The following PRDM16 variants were observed in gnomAD, a reference collection of about 807,000 sequenced individuals.
PRDM16 encodes the protein histone-lysine N-methyltransferase PRDM16.
A neutral mutation model predicts 110.6 loss-of-function variants in PRDM16; 23 were observed. The ratio of observed to expected loss-of-function variants is 0.21; its 90% CI spans 0.15 to 0.29. The LOEUF (loss-of-function observed/expected upper bound fraction) is 0.29. PRDM16 is among the 10% of genes least tolerant of loss of function. PRDM16 has a pLI of 1.00. For synonymous variants in PRDM16, 799 were observed against 781.8 expected (o/e 1.02, Z -0.37); for missense variants, 1,615 against 1,794.3 (o/e 0.90, Z 1.81).
At chr1:3,182,273 T>C (rs917829592) in intron 1 of PRDM16, among the ~76,000 whole-genome samples, 8 of 152,188 alleles carry the variant, frequency 5.3e-5, no homozygotes, top group Non-Finnish European at 1.0e-4. Context: ...ACAGAGCCGC[T>C]CGGCGCTCGG....
intron 1 of PRDM16, among the ~76,000 whole-genome samples, chr1:3,070,518 GC>G (rs1168258318): frequency 6.7e-6 from 1 of 150,188 alleles, no homozygotes. Flanking sequence ...TGCTCCCGCC[GC>G]CCCCTCCTCT....
chr1:3,172,681 G>A (rs1644039556), intron 1 of PRDM16, among the ~76,000 whole-genome samples: 1 of 152,242 alleles, frequency 6.6e-6, no homozygotes, highest in Admixed American at 6.5e-5. Flanking sequence ...GCTAAGCTAA[G>A]TAAGCCGGCT....
At chr1:3,335,449 AGCACGTC>A (rs1642123981) in intron 3 of PRDM16, among the ~76,000 whole-genome samples, 1 of 152,190 alleles carries the variant, frequency 6.6e-6, no homozygotes, top group Non-Finnish European at 1.5e-5. Context: ...CGGTCGCGTT[AGCACGTC>A]GCATGTCCGA....
chr1:3,072,841 C>T (rs900800063), intron 1 of PRDM16, among the ~76,000 whole-genome samples: 14 of 152,256 alleles, frequency 9.2e-5, no homozygotes, highest in Non-Finnish European at 1.9e-4. Flanking sequence ...GCCGCCAGGG[C>T]TTGGTGCCCC....
chr1:3,351,126 C>T (rs1205436565), intron 3 of PRDM16, among the ~76,000 whole-genome samples: 1 of 152,150 alleles, frequency 6.6e-6, no homozygotes. Flanking sequence ...GCATGTTCAC[C>T]AGCTTGTGGG....
intron 9 of PRDM16, among the ~76,000 whole-genome samples, chr1:3,413,607 G>A (rs539642881): frequency 6.6e-6 from 1 of 152,298 alleles, no homozygotes; most frequent in South Asian, 2.1e-4. Flanking sequence ...GAGACCCTGA[G>A]CAAGTCCTGT....
chr1:3,347,062 A>AG (rs1642376384), intron 3 of PRDM16, among the ~76,000 whole-genome samples: 1 of 152,100 alleles, frequency 6.6e-6, no homozygotes, highest in South Asian at 2.1e-4. Context: ...GACCACCTTG[A>AG]GGGCCTCACA....
intron 5 of PRDM16, among the ~76,000 whole-genome samples, chr1:3,402,178 G>T (rs1445597173): frequency 6.6e-6 from 1 of 152,184 alleles, no homozygotes; most frequent in African/African-American, 2.4e-5. Flanking sequence ...GAGCCGGGGG[G>T]ATGAGGCATC....
In PRDM16 at chr1:3,265,383, C is replaced by T. The variant is rs1197688453; in HGVS notation, c.438+21246C>T. ...AGGCACAGCTCATGGGGAGGCCTGA[C>T]GGGCCTGAGACTGATGATGTGAAGG... On this transcript the variant is annotated intron_variant, in intron 3 of 16. Coordinates refer to ENST00000270722, the MANE Select transcript of PRDM16 (RefSeq NM_022114.4). This position sits in a 1 kb window ranked among gnomAD's most constrained non-coding sequence, Gnocchi z 4.5. Among the ~76,000 whole-genome samples the T allele has an allele frequency of 6.6e-6, 1 of 151,904 alleles. No individual in the cohort carries two copies. Among genetic ancestry groups the T allele is most frequent in the Non-Finnish European group, 1.5e-5 (1 of 67,970 alleles).
chr1:3,150,034 A>T (rs1261749919), intron 1 of PRDM16, among the ~76,000 whole-genome samples: 1 of 152,184 alleles, frequency 6.6e-6, no homozygotes, highest in Non-Finnish European at 1.5e-5. Context: ...ATCTCCTGTC[A>T]TGGCTCCTGC....
At chr1:3,363,214 G>A (rs1300140460) in intron 3 of PRDM16, among the ~76,000 whole-genome samples, 2 of 152,176 alleles carry the variant, frequency 1.3e-5, no homozygotes, top group African/African-American at 2.4e-5. Flanking sequence ...CTCGGGGCCC[G>A]CGACAGTGTG....
At chr1:3,079,984 C>T (rs1302743071) in intron 1 of PRDM16, among the ~76,000 whole-genome samples, 4 of 152,234 alleles carry the variant, frequency 2.6e-5, no homozygotes, top group African/African-American at 7.2e-5. Context: ...CTCAGTAGCG[C>T]GTGCCCACCC....
At chr1:3,401,845 C>G (rs577895254) in intron 5 of PRDM16, among the ~76,000 whole-genome samples, 2 of 150,826 alleles carry the variant, frequency 1.3e-5, no homozygotes, top group African/African-American at 2.5e-5. Flanking sequence ...CATCCACAAA[C>G]CACACATGTG....
chr1:3,226,793 G>C (rs917975587), intron 2 of PRDM16, among the ~76,000 whole-genome samples: 2 of 152,134 alleles, frequency 1.3e-5, no homozygotes, highest in African/African-American at 4.8e-5. Context: ...CTGGGTCCCC[G>C]CACGGGGACC....
intron 3 of PRDM16, among the ~76,000 whole-genome samples, chr1:3,364,604 G>A (rs556077273): frequency 1.6e-4 from 24 of 152,288 alleles, no homozygotes; most frequent in African/African-American, 5.1e-4. Flanking sequence ...GCTCCTGCAC[G>A]TGGCCCCCTG....
intron 1 of PRDM16, among the ~76,000 whole-genome samples, chr1:3,154,162 G>A (rs189049680): frequency 1.0e-3 from 154 of 152,276 alleles, no homozygotes; most frequent in African/African-American, 3.4e-3. Context: ...GGCTGTCACC[G>A]GGACCTGCCA....
Position 3,318,038 on chromosome 1 carries a change from A to G in PRDM16, c.439-67114A>G, listed in dbSNP as rs1242805661. ...AAGGAAGCCACCCACGGCGGCTCCG[A>G]GGCCTGTCCCCGGAGCATCACAGCG... On this transcript the variant is annotated intron_variant, in intron 3 of 16. Transcript: ENST00000270722. Among the ~76,000 whole-genome samples, 7 of 152,322 alleles carry G rather than the reference A, an allele frequency of 4.6e-5. No homozygotes were observed. The South Asian group carries it at 6.2e-4, about 14-fold the overall frequency.
chr1:3,249,489 C>T (rs890845364), intron 3 of PRDM16, among the ~76,000 whole-genome samples: 2 of 152,070 alleles, frequency 1.3e-5, no homozygotes, highest in African/African-American at 4.8e-5. Flanking sequence ...AACACAGATC[C>T]CGCCGGAGTG....
At chr1:3,174,161 G>GATTC (rs1644059958) in intron 1 of PRDM16, among the ~76,000 whole-genome samples, 1 of 152,150 alleles carries the variant, frequency 6.6e-6, no homozygotes, top group Non-Finnish European at 1.5e-5. Context: ...GCTTCTGGTG[G>GATTC]CTCCAGGCAT....
Sources: gnomAD v4.1 joint callset for allele counts (sites outside exome capture counted in the v4.1 genomes callset) on GRCh38, gnomAD v4.1.1 for gene constraint, Gnocchi (gnomAD v3.1) non-coding constraint, MANE v1.5 for transcripts, NCBI Gene and HGNC (gene_info 2026-07-23, HGNC 2026-07-21) for gene names.